NDST4: variants seen among roughly 807,000 people sequenced by gnomAD.
NDST4 encodes N-heparan sulfate sulfotransferase 4.
In NDST4, 63 loss-of-function variants were observed where a neutral mutation model predicts 100.8. The ratio of observed to expected loss-of-function variants is 0.62; its 90% CI spans 0.51 to 0.77. The LOEUF is 0.77. Ranked by LOEUF, NDST4 falls within the 30% of genes least tolerant of loss-of-function variation. The pLI, the probability that NDST4 is intolerant of heterozygous loss-of-function variation, is 0.00. For synonymous variants in NDST4, 377 were observed against 361.8 expected (o/e 1.04, Z -0.48); for missense variants, 943 against 1,018.4 (o/e 0.93, Z 1.01).
At chr4:115,044,433 C>T (rs1482814479) in intron 2 of NDST4, among the ~76,000 whole-genome samples, 3 of 151,734 alleles carry the variant, frequency 2.0e-5, no homozygotes, top group African/African-American at 4.8e-5. Context: ...GGCACAAGCC[C>T]ATGTTAATGT....
chr4:114,944,997 G>A (rs1227321326), intron 4 of NDST4, among the ~76,000 whole-genome samples: 1 of 151,838 alleles, frequency 6.6e-6, no homozygotes, highest in Non-Finnish European at 1.5e-5. Flanking sequence ...ATCATGTGAG[G>A]TCGGGAGTTC....
chr4:115,087,682 G>C (rs545600276), intron 1 of NDST4, among the ~76,000 whole-genome samples: 1 of 151,732 alleles, frequency 6.6e-6, no homozygotes, highest in East Asian at 1.9e-4. Context: ...AAGCTACAAA[G>C]GATGACTGAG....
intron 1 of NDST4, among the ~76,000 whole-genome samples, chr4:115,100,514 A>T (rs1460548053): frequency 2.6e-5 from 4 of 152,236 alleles, no homozygotes; most frequent in South Asian, 2.1e-4. Flanking sequence ...TGACATTTAT[A>T]TATAACTTTC....
chr4:115,104,595 T>G (rs1578524204), intron 1 of NDST4, among the ~76,000 whole-genome samples: 1 of 152,100 alleles, frequency 6.6e-6, no homozygotes, highest in African/African-American at 2.4e-5. Flanking sequence ...TTTTCTAACA[T>G]TTTTTTCTCT....
intron 4 of NDST4, among the ~76,000 whole-genome samples, chr4:114,945,280 A>T (rs1038050084): frequency 2.0e-5 from 3 of 151,380 alleles, no homozygotes; most frequent in Non-Finnish European, 2.9e-5. Flanking sequence ...TACAGGAGTC[A>T]TTGCCAGGAT....
chr4:115,111,833 T>G (rs1729958787), intron 1 of NDST4, among the ~76,000 whole-genome samples: 1 of 151,884 alleles, frequency 6.6e-6, no homozygotes. Context: ...ATCTTCCCAA[T>G]TAGCTTATTA....
intron 2 of NDST4, among the ~76,000 whole-genome samples, chr4:115,021,504 C>A (rs111216487): frequency 1.4e-5 from 2 of 141,828 alleles, no homozygotes; most frequent in Non-Finnish European, 3.1e-5. Flanking sequence ...TACACACGTT[C>A]CACATATACA....
At chr4:115,097,494 A>G (rs1359569343) in intron 1 of NDST4, among the ~76,000 whole-genome samples, 1 of 152,112 alleles carries the variant, frequency 6.6e-6, no homozygotes, top group African/African-American at 2.4e-5. Context: ...CATACCAGGC[A>G]TCCCATCCAT....
intron 2 of NDST4, among the ~76,000 whole-genome samples, chr4:114,998,525 T>G (rs1478024621): frequency 6.6e-6 from 1 of 152,030 alleles, no homozygotes; most frequent in African/African-American, 2.4e-5. Flanking sequence ...AGGGAAACAT[T>G]GTTTTTAAAA....
chr4:115,097,512 A>G (rs975484062), intron 1 of NDST4, among the ~76,000 whole-genome samples: 3 of 152,030 alleles, frequency 2.0e-5, no homozygotes, highest in African/African-American at 7.2e-5. Context: ...CATTGGCTCT[A>G]CCCATAAAAT....
At chr4:115,052,570 T>C (rs552670530) in intron 2 of NDST4, among the ~76,000 whole-genome samples, 1 of 152,188 alleles carries the variant, frequency 6.6e-6, no homozygotes, top group South Asian at 2.1e-4. Flanking sequence ...TATGGTTTTA[T>C]AAAGGGCAGT....
chr4:114,874,764 G>A (rs1724223706), intron 6 of NDST4, among the ~76,000 whole-genome samples: 2 of 152,126 alleles, frequency 1.3e-5, no homozygotes, highest in South Asian at 2.1e-4. Flanking sequence ...GTATAAATAA[G>A]AGAATTCAAA....
In NDST4 at chr4:114,970,422, G is replaced by A. The variant is rs201136541; in HGVS notation, c.1221+8C>T. 4.2e-4 allele frequency: 683 copies of A among 1,609,750 alleles called. No individual in the cohort carries two copies. The highest frequency in any genetic ancestry group is 5.2e-4 in the Non-Finnish European group (616 of 1,177,256). On this transcript the variant is annotated splice_region_variant and intron_variant, in intron 4 of 13. Coordinates refer to ENST00000264363, the MANE Select transcript of NDST4 (RefSeq NM_022569.3). ...AGTTCAAAAGATACCACAATAAAAT[G>A]TGCTCACCAGTGCAAATTCCTTGTT...
At chr4:114,924,570 C>A (rs1725351982) in intron 6 of NDST4, among the ~76,000 whole-genome samples, 1 of 152,074 alleles carries the variant, frequency 6.6e-6, no homozygotes, top group Non-Finnish European at 1.5e-5. Flanking sequence ...CTCCTCAGCT[C>A]TAAGCCCCAG....
chr4:115,102,704 C>CTTTTTTTTTT lies in NDST4; in HGVS notation c.-247+10730_-247+10739dup, dbSNP rs751431042. On this transcript the variant is annotated intron_variant, in intron 1 of 13. Transcript: ENST00000264363. The stretch of plus-strand genomic sequence containing the variant: ...TTATATACCATATACTTCTGACTTC[C>CTTTTTTTTTT]TTTTTTTTTTTTTTTTTTTTTGACA... Among the ~76,000 whole-genome samples the CTTTTTTTTTT allele has an allele frequency of 1.1e-3, 104 of 90,558 alleles. 1 individual carries two copies. Among genetic ancestry groups the CTTTTTTTTTT allele is most frequent in the Admixed American group, 1.4e-3 (9 of 6,482 alleles). 59.4% of individuals were successfully genotyped at this position (90,558 alleles called of 152,430 possible).
intron 11 of NDST4, among the ~76,000 whole-genome samples, chr4:114,837,542 T>C (rs1723330617): frequency 6.6e-6 from 1 of 152,182 alleles, no homozygotes; most frequent in African/African-American, 2.4e-5. Context: ...AAACATCTGA[T>C]CTTTGACAAA....
At position 114,970,496 on chromosome 4, in the gene NDST4, C is replaced by T. The variant is rs756500091; in HGVS notation, c.1155G>A (p.Gln385=). The T allele has an allele frequency of 7.4e-6, 12 of 1,614,040 alleles. No individual in the cohort carries two copies. The highest frequency in any genetic ancestry group is 1.0e-5 in the Non-Finnish European group (12 of 1,179,918). ...ATGACTCGTTGTGGAAGAGGTGGGG[C>T]TGCATGTGGCTCCACATGTGAGGAA... ...WWFPHMWSHM[Q]PHLFHNESSL... is the part of the protein sequence containing the mutation. The change falls in exon 4 of 14, where the codon CAG becomes CAA. Residue 385 remains glutamine, a synonymous_variant. Coordinates refer to ENST00000264363, the MANE Select transcript of NDST4 (RefSeq NM_022569.3).
At chr4:114,966,580 G>A (rs1304928741) in intron 4 of NDST4, among the ~76,000 whole-genome samples, 1 of 152,008 alleles carries the variant, frequency 6.6e-6, no homozygotes, top group Non-Finnish European at 1.5e-5. Flanking sequence ...GTGCTTTTGA[G>A]ACTGACAATC....
chr4:115,036,840 G>A (rs191574436), intron 2 of NDST4, among the ~76,000 whole-genome samples: 38 of 151,864 alleles, frequency 2.5e-4, no homozygotes, highest in African/African-American at 8.2e-4. Context: ...ATATTAAATA[G>A]GGAACACAAT....
Sources: gnomAD v4.1 joint callset for allele counts (sites outside exome capture counted in the v4.1 genomes callset) on GRCh38, gnomAD v4.1.1 for gene constraint, MANE v1.5 for transcripts, NCBI Gene and HGNC (gene_info 2026-07-23, HGNC 2026-07-21) for gene names.